Variants in MID1 observed in about 807,000 individuals in gnomAD.
MID1 encodes the protein E3 ubiquitin-protein ligase Midline-1.
MID1 carries 7 observed loss-of-function variants against 40.4 expected under a neutral mutation model. The ratio of observed to expected loss-of-function variants is 0.17; its 90% confidence interval spans 0.10 to 0.33. The LOEUF (loss-of-function observed/expected upper bound fraction) is 0.33. Among genes scored for constraint, MID1 ranks in the 10% least tolerant of loss-of-function variants. The pLI, the probability that MID1 is intolerant of heterozygous loss-of-function variation, is 1.00. For missense variants in MID1, 367 were observed against 558.5 expected (o/e 0.66, Z 3.46); for synonymous variants, 229 against 221.2 (o/e 1.04, Z -0.31).
chrX:10,462,268 G>GTTGAT, intron 7 of MID1, among the ~76,000 whole-genome samples: 1 of 112,062 alleles, frequency 8.9e-6, no homozygotes. Flanking sequence ...TAATTGAGAA[G>GTTGAT]TTGATTAAAA....
At chrX:10,789,339 CAA>C (rs1250099256) in intron 1 of MID1, among the ~76,000 whole-genome samples, 1 of 112,522 alleles carries the variant, frequency 8.9e-6, no homozygotes, top group African/African-American at 3.2e-5. Context: ...GAAATTAAGA[CAA>C]AGTGCAATCA....
intron 1 of MID1, among the ~76,000 whole-genome samples, chrX:10,764,557 CT>C (rs2043706832): frequency 9.0e-6 from 1 of 111,127 alleles, no homozygotes; most frequent in South Asian, 3.8e-4. Context: ...TCTTTTAAAC[CT>C]TAGAATTTTT....
At chrX:10,507,218 T>G (rs1343539766) in intron 3 of MID1, among the ~76,000 whole-genome samples, 2 of 108,507 alleles carry the variant, frequency 1.8e-5, no homozygotes, top group Non-Finnish European at 3.8e-5. Context: ...TCAACTATAT[T>G]TCTATAAACA....
At chrX:10,826,372 C>T (rs764943468) in intron 1 of MID1, among the ~76,000 whole-genome samples, 3 of 112,040 alleles carry the variant, frequency 2.7e-5, no homozygotes, top group Non-Finnish European at 5.6e-5. Flanking sequence ...GGTTCACCTA[C>T]GTTGACTCTG....
intron 1 of MID1, among the ~76,000 whole-genome samples, chrX:10,584,460 C>G (rs1483562532): frequency 9.0e-6 from 1 of 111,649 alleles, no homozygotes; most frequent in African/African-American, 3.3e-5. Context: ...TTTGTCAGTA[C>G]TTACTCACCA....
intron 1 of MID1, among the ~76,000 whole-genome samples, chrX:10,613,732 T>TATATATATATATATAGAGAGAGAG (rs1482081086): frequency 1.1e-4 from 2 of 17,480 alleles, no homozygotes; most frequent in Non-Finnish European, 2.2e-4. Context: ...TATATATATA[T>TATATATATATATATAGAGAGAGAG]AGAGAGAGAG....
intron 1 of MID1, among the ~76,000 whole-genome samples, chrX:10,818,011 G>A (rs1186362204): frequency 8.9e-6 from 1 of 111,911 alleles, no homozygotes; most frequent in African/African-American, 3.2e-5. Context: ...ATTCTATATT[G>A]CTGCCATTTT....
At chrX:10,616,362 C>T (rs1393026466) in intron 1 of MID1, among the ~76,000 whole-genome samples, 1 of 112,733 alleles carries the variant, frequency 8.9e-6, no homozygotes, top group Non-Finnish European at 1.9e-5. Flanking sequence ...GCCATTACTT[C>T]TTTTTGCCTA....
At chrX:10,479,191 T>C (rs7063147) in intron 5 of MID1, among the ~76,000 whole-genome samples, 1,586 of 112,152 alleles carry the variant, frequency 0.014, 21 homozygotes, top group South Asian at 0.031. Flanking sequence ...ATAATTTTTT[T>C]ATTAGTAAAA....
At chrX:10,693,693 G>A in intron 1 of MID1, among the ~76,000 whole-genome samples, 1 of 111,766 alleles carries the variant, frequency 8.9e-6, no homozygotes, top group East Asian at 2.8e-4. Context: ...TACCATGTAT[G>A]TATGTGTGTG....
chrX:10,819,618 T>TAAG (rs1186874270), intron 1 of MID1, among the ~76,000 whole-genome samples: 1 of 111,702 alleles, frequency 9.0e-6, no homozygotes, highest in Non-Finnish European at 1.9e-5. Flanking sequence ...AACCATTACT[T>TAAG]CCTGACACCT....
intron 7 of MID1, among the ~76,000 whole-genome samples, chrX:10,463,741 T>C (rs1413831642): frequency 8.9e-6 from 1 of 112,300 alleles, no homozygotes; most frequent in Non-Finnish European, 1.9e-5. Flanking sequence ...GTTAAAACAC[T>C]ATCCCTTCTT....
chrX:10,562,794 T>A (rs948700797), intron 2 of MID1, among the ~76,000 whole-genome samples: 4 of 106,617 alleles, frequency 3.8e-5, no homozygotes, highest in Non-Finnish European at 7.6e-5. Context: ...TGTTGTCATC[T>A]CTTGCCTGCA....
chrX:10,593,762 G>GACGC (rs768230938), intron 1 of MID1, among the ~76,000 whole-genome samples: 1 of 83,337 alleles, frequency 1.2e-5, no homozygotes, highest in East Asian at 3.9e-4. Flanking sequence ...CTGTCCCTCT[G>GACGC]ACACACACAC....
chrX:10,706,750 A>G (rs981555698), intron 1 of MID1, among the ~76,000 whole-genome samples: 5 of 111,688 alleles, frequency 4.5e-5, no homozygotes, highest in African/African-American at 1.6e-4. Context: ...CATAATGTAG[A>G]GTCTGACATA....
At chrX:10,796,643 G>T (rs998785840) in intron 1 of MID1, among the ~76,000 whole-genome samples, 1 of 109,870 alleles carries the variant, frequency 9.1e-6, no homozygotes, top group Non-Finnish European at 1.9e-5. Context: ...TGTTCAGGGT[G>T]ATTGGCCAGA....
chrX:10,742,138 T>C (rs1364184356), intron 1 of MID1, among the ~76,000 whole-genome samples: 1 of 111,341 alleles, frequency 9.0e-6, no homozygotes, highest in Non-Finnish European at 1.9e-5. Flanking sequence ...TATTCATTAA[T>C]TCCCAATCTC....
chrX:10,562,920 G>A (rs73479267), intron 2 of MID1, among the ~76,000 whole-genome samples: 3,354 of 106,753 alleles, frequency 0.031, 537 homozygotes, highest in African/African-American at 0.11. Flanking sequence ...GTATATGCAA[G>A]TATGTGTGTG....
intron 1 of MID1, chrX:10,677,814 C>T (rs970141214): frequency 3.0e-4 from 33 of 110,691 alleles, no homozygotes; most frequent in African/African-American, 8.5e-4. Flanking sequence ...GCCGCACCCC[C>T]CACCCCAGGC....
Sources: gnomAD v4.1 joint callset for allele counts (sites outside exome capture counted in the v4.1 genomes callset) on GRCh38, gnomAD v4.1.1 for gene constraint, MANE v1.5 for transcripts, NCBI Gene and HGNC (gene_info 2026-07-23, HGNC 2026-07-21) for gene names.